The following FDFT1 variants were observed in gnomAD, a reference collection of about 807,000 sequenced individuals.
FDFT1 encodes squalene synthase.
FDFT1 carries 68 observed loss-of-function variants against 46.8 expected under a neutral mutation model. The ratio of observed to expected loss-of-function variants is 1.45; its 90% CI spans 1.19 to 1.78. The LOEUF is 1.78. Ranked by LOEUF, FDFT1 falls within the 40% of genes most tolerant of loss-of-function variation. The probability of loss-of-function intolerance (pLI) is 0.00; values close to 1 mark genes in which losing one functional copy is unlikely to be tolerated. For synonymous variants in FDFT1, 351 were observed against 185.1 expected (o/e 1.90, Z -7.28); for missense variants, 928 against 524.4 (o/e 1.77, Z -7.52).
At chr8:11,808,424 C>T (rs1019708374) in intron 1 of FDFT1, 1 of 1,257,902 alleles carries the variant, frequency 7.9e-7, no homozygotes, top group Non-Finnish European at 1.0e-6. Flanking sequence ...AGCGCGTATT[C>T]GAGTAGAGGG....
chr8:11,808,740 TCCCA>T (rs1807264357), intron 1 of FDFT1, 50 bp from the exon 2 acceptor site: 36 of 1,589,466 alleles, frequency 2.3e-5, no homozygotes, highest in Non-Finnish European at 2.8e-5. Context: ...CCACTCCCAC[TCCCA>T]CTCCTGCTCC....
At chr8:11,796,523 G>A (rs1018060230) in intron 1 of FDFT1, among the ~76,000 whole-genome samples, 3 of 152,208 alleles carry the variant, frequency 2.0e-5, no homozygotes, top group Non-Finnish European at 4.4e-5. Context: ...TAGTAAGGGA[G>A]TTTTGTACTT....
chr8:11,803,543 T>A, intron 1 of FDFT1: 1 of 1,140,890 alleles, frequency 8.8e-7, no homozygotes, highest in South Asian at 1.6e-5. Context: ...TTACTTAGAT[T>A]TTTATCTGCC....
At chr8:11,803,598 T>C (rs1222140085) in intron 1 of FDFT1, 2 of 649,250 alleles carry the variant, frequency 3.1e-6, no homozygotes, top group Non-Finnish European at 4.2e-6. Context: ...GAGGTGTTTT[T>C]ATTCCAACAA....
chr8:11,808,798 C>CT lies in FDFT1; in HGVS notation c.104_105insT (p.Leu36AlafsTer50). ...GTGTGTGTTGTCTGCCCGCAGGACT[C>CT]GCTCAGCAGCAGCCTGAAAACTTGC... On this transcript the variant is annotated frameshift_variant, in exon 2 of 8. Coordinates refer to ENST00000220584, the MANE Select transcript of FDFT1 (RefSeq NM_004462.5). LOFTEE classifies it high-confidence loss of function. 1 of 1,613,658 alleles carries CT rather than the reference C, an allele frequency of 6.2e-7. No individual in the cohort carries two copies.
chr8:11,823,175 C>G (rs1487605797), intron 4 of FDFT1, among the ~76,000 whole-genome samples: 1 of 152,110 alleles, frequency 6.6e-6, no homozygotes, highest in Non-Finnish European at 1.5e-5. Context: ...AGGCTAGTCT[C>G]AAACTCCTGG....
At chr8:11,814,887 A>G (rs572319104) in intron 3 of FDFT1, among the ~76,000 whole-genome samples, 63 of 151,632 alleles carry the variant, frequency 4.2e-4, no homozygotes, top group African/African-American at 1.5e-3. Context: ...CTTTTATTAT[A>G]CTTTAAGTTC....
At chr8:11,829,911 G>C (rs1254547004) in intron 5 of FDFT1, among the ~76,000 whole-genome samples, 3 of 148,778 alleles carry the variant, frequency 2.0e-5, no homozygotes, top group Admixed American at 6.6e-5. Flanking sequence ...GCAATGGCGA[G>C]ATCTTGACTC....
intron 3 of FDFT1, among the ~76,000 whole-genome samples, chr8:11,815,885 G>A (rs987045749): frequency 2.6e-5 from 4 of 152,166 alleles, no homozygotes; most frequent in African/African-American, 9.7e-5. Context: ...GATCCCATTT[G>A]TCTAGTTTGG....
chr8:11,804,315 A>AATG lies in FDFT1; in HGVS notation c.99+1385_99+1387dup, dbSNP rs533381923. On this transcript the variant is annotated intron_variant, in intron 1 of 7. Transcript: ENST00000220584. ...TTTCTACAGAAAGACTGTTAGAGAA[A>AATG]ATGGTAGCATTGGTTTCCTGTTGGG... Among the ~76,000 whole-genome samples, 29 of 152,326 alleles carry AATG rather than the reference A, an allele frequency of 1.9e-4. No individual in the cohort carries two copies. In the East Asian group the frequency reaches 5.6e-3, roughly 29 times the overall value.
intron 7 of FDFT1, among the ~76,000 whole-genome samples, chr8:11,833,403 TTAA>T (rs1811127048): frequency 1.3e-5 from 2 of 152,242 alleles, no homozygotes; most frequent in East Asian, 3.8e-4. Flanking sequence ...TCCTGCTATA[TTAA>T]GCACTATTTA....
intron 3 of FDFT1, among the ~76,000 whole-genome samples, chr8:11,810,189 G>A (rs1807506102): frequency 6.6e-6 from 1 of 151,546 alleles, no homozygotes; most frequent in East Asian, 1.9e-4. Flanking sequence ...AGCTACTGCT[G>A]TTATTATCAG....
intron 3 of FDFT1, among the ~76,000 whole-genome samples, chr8:11,819,880 G>C (rs1303814852): frequency 6.6e-6 from 1 of 152,188 alleles, no homozygotes; most frequent in East Asian, 1.9e-4. Context: ...ATCCAGTTTT[G>C]TTCCTTTGCT....
At chr8:11,814,503 T>A (rs1009086047) in intron 3 of FDFT1, among the ~76,000 whole-genome samples, 2 of 152,204 alleles carry the variant, frequency 1.3e-5, no homozygotes, top group Non-Finnish European at 2.9e-5. Context: ...TTTCAATGTT[T>A]AACCAAATCT....
At chr8:11,819,595 G>C (rs1808940395) in intron 3 of FDFT1, among the ~76,000 whole-genome samples, 3 of 151,486 alleles carry the variant, frequency 2.0e-5, no homozygotes, top group South Asian at 4.2e-4. Context: ...TCATTAATTT[G>C]ATCTTCGATC....
chr8:11,807,077 C>T (rs1334566703), intron 1 of FDFT1, among the ~76,000 whole-genome samples: 1 of 137,900 alleles, frequency 7.3e-6, no homozygotes, highest in Non-Finnish European at 1.6e-5. Flanking sequence ...CCAGGGTTCA[C>T]TGTTACCATT....
intron 6 of FDFT1, among the ~76,000 whole-genome samples, chr8:11,830,644 T>G (rs1216735661): frequency 6.6e-6 from 1 of 152,210 alleles, no homozygotes; most frequent in African/African-American, 2.4e-5. Flanking sequence ...CTTTCTGGAT[T>G]TACTATTTTC....
chr8:11,809,367 T>A, intron 2 of FDFT1: 1 of 1,140,926 alleles, frequency 8.8e-7, no homozygotes, highest in Non-Finnish European at 1.1e-6. Context: ...ATTAGTTCGG[T>A]CTAAACGTTT....
chr8:11,802,767 G>A lies in FDFT1; in HGVS notation c.-66G>A, dbSNP rs866184608. The A allele has an allele frequency of 1.5e-6, 2 of 1,306,394 alleles. No homozygotes were observed. Among genetic ancestry groups the A allele is most frequent in the Middle Eastern group, 1.9e-4 (1 of 5,216 alleles). The allele number at this position is 1,306,394 out of a possible 1,614,324, so 80.9% of individuals were successfully genotyped here. Reference sequence around the variant, plus strand: ...AAGCACCTACTCCACAGGTCCAGCCGGCCGGTGAGCGCCTGGGGACCGCAG... The same window carrying A: ...AAGCACCTACTCCACAGGTCCAGCCAGCCGGTGAGCGCCTGGGGACCGCAG... On this transcript the variant is annotated 5_prime_UTR_variant, in exon 1 of 8. Transcript: ENST00000220584.
Sources: gnomAD v4.1 joint callset for allele counts (sites outside exome capture counted in the v4.1 genomes callset) on GRCh38, gnomAD v4.1.1 for gene constraint, MANE v1.5 for transcripts, NCBI Gene and HGNC (gene_info 2026-07-23, HGNC 2026-07-21) for gene names.